DHTKD1: variants seen among roughly 807,000 people sequenced by gnomAD.
DHTKD1 encodes the protein dehydrogenase E1 and transketolase domain containing 1.
DHTKD1 carries 78 observed loss-of-function variants against 101.8 expected under a neutral mutation model. The ratio of observed to expected loss-of-function variants is 0.77; its 90% CI spans 0.64 to 0.93. The LOEUF (loss-of-function observed/expected upper bound fraction) is 0.93, where lower values mean the gene tolerates loss of function less well. DHTKD1 is among the 40% of genes least tolerant of loss of function. DHTKD1 has a pLI of 0.00. For missense variants in DHTKD1, 1,223 were observed against 1,161.7 expected (o/e 1.05, Z -0.77); for synonymous variants, 462 against 450.3 (o/e 1.03, Z -0.33).
chr10:12,084,391 T>A (rs1242858114), intron 2 of DHTKD1, 149 bp from the exon 3 acceptor site: 2 of 581,774 alleles, frequency 3.4e-6, no homozygotes, highest in African/African-American at 3.7e-5. Context: ...TTACTGCATA[T>A]AACAAAACAA....
chr10:12,091,264 T>C (rs60002466), intron 5 of DHTKD1, among the ~76,000 whole-genome samples: 1 of 150,160 alleles, frequency 6.7e-6, no homozygotes, highest in African/African-American at 2.4e-5. Flanking sequence ...TACAAAAAAT[T>C]AGCCGGGTGT....
chr10:12,070,493 CT>C (rs1564385633), intron 1 of DHTKD1, among the ~76,000 whole-genome samples: 1 of 152,122 alleles, frequency 6.6e-6, no homozygotes, highest in Non-Finnish European at 1.5e-5. Flanking sequence ...GTCTCTCTCT[CT>C]TTTTTTAATC....
intron 6 of DHTKD1, among the ~76,000 whole-genome samples, chr10:12,092,140 C>T (rs1833000342): frequency 1.3e-5 from 2 of 151,988 alleles, no homozygotes; most frequent in South Asian, 2.1e-4. Flanking sequence ...TACACCACCA[C>T]ACCTGTCTAA....
intron 2 of DHTKD1, among the ~76,000 whole-genome samples, chr10:12,084,218 G>A (rs1832866189): frequency 6.6e-6 from 1 of 152,022 alleles, no homozygotes; most frequent in Non-Finnish European, 1.5e-5. Flanking sequence ...CACGGCACCC[G>A]GCCAATAATG....
chr10:12,099,863 C>G (rs1274752265), intron 8 of DHTKD1, among the ~76,000 whole-genome samples: 1 of 139,806 alleles, frequency 7.2e-6, no homozygotes, highest in Non-Finnish European at 1.5e-5. Flanking sequence ...GTGGAGCCAT[C>G]TCAGCTCACT....
rs1288540547 is a variant in DHTKD1 at position 12,069,325 on chromosome 10, A to AGGGGAGCAGAGGGTAGGTGT, written c.154+142_154+161dup. 4 of 714,368 alleles carry AGGGGAGCAGAGGGTAGGTGT rather than the reference A, an allele frequency of 5.6e-6. No homozygotes were observed. In the African/African-American group the frequency reaches 7.4e-5, roughly 13 times the overall value. The allele number at this position is 714,368 out of a possible 1,614,324, so 44.3% of individuals were successfully genotyped here. A position where few individuals can be genotyped will look rare whatever the true frequency, so the allele number is the denominator to read the frequency against. On this transcript the variant is annotated intron_variant, in intron 1 of 16. Transcript: ENST00000263035. ...GGCCGGTGGGGAGGAGGGGGAGGTG[A>AGGGGAGCAGAGGGTAGGTGT]GGGGAGCAGAGGGTAGGTGTGGGTG... is the stretch of plus-strand genomic sequence containing the variant.
Position 12,100,250 on chromosome 10 carries a change from T to G in DHTKD1, c.1744T>G (p.Leu582Val), listed in dbSNP as rs983914326. The change falls in exon 9 of 17, where the codon TTA (leucine) becomes GTA (valine). Residue 582 changes from leucine (L) to valine (V), a missense_variant. Leu to Val is a conservative substitution (Grantham distance 32, BLOSUM62 1). Coordinates refer to ENST00000263035, the MANE Select transcript of DHTKD1 (RefSeq NM_018706.7). ...CGCGGAAGCTCTTGCCTTGGGTTCTTTACTTGCTCAAGGTAAGAATTTTCT... is the reference window on the plus strand; with the variant it reads ...CGCGGAAGCTCTTGCCTTGGGTTCTGTACTTGCTCAAGGTAAGAATTTTCT... ...ATAEALALGS[L>V]LAQGFNVRLS... The G allele has an allele frequency of 2.6e-6, 4 of 1,520,758 alleles. No individual in the cohort carries two copies. Among genetic ancestry groups the G allele is most frequent in the African/African-American group, 1.4e-5 (1 of 70,942 alleles). The allele number at this position is 1,520,758 out of a possible 1,614,324, so 94.2% of individuals were successfully genotyped here. A position where few individuals can be genotyped will look rare whatever the true frequency, so the allele number is the denominator to read the frequency against.
At position 12,091,630 on chromosome 10, in the gene DHTKD1, G is replaced by A. The variant is rs1832991422; in HGVS notation, c.1105G>A (p.Gly369Ser). ...SVHLIVNNQL[G>S]YTTPAERGRS... ...GCATTTGATTGTTAATAACCAGCTGGGTTACACCACTCCAGCTGAAAGAGG... is the reference window on the plus strand; with the variant it reads ...GCATTTGATTGTTAATAACCAGCTGAGTTACACCACTCCAGCTGAAAGAGG... Residue 369 changes from glycine (G) to serine (S), a missense_variant, in exon 6 of 17, where the codon GGT becomes AGT. Coordinates refer to ENST00000263035, the MANE Select transcript of DHTKD1 (RefSeq NM_018706.7). The A allele has an allele frequency of 6.2e-7, 1 of 1,613,524 alleles. No homozygotes were observed. The highest frequency in any genetic ancestry group is 8.5e-7 in the Non-Finnish European group (1 of 1,179,962).
chr10:12,075,357 T>G lies in DHTKD1; in HGVS notation c.155-6115T>G, dbSNP rs117678781. 7.4e-4 allele frequency among the ~76,000 whole-genome samples: 112 copies of G among 151,676 alleles called. 1 individual carries two copies. The East Asian group carries it at 0.018, about 24-fold the overall frequency. On this transcript the variant is annotated intron_variant, in intron 1 of 16. Transcript: ENST00000263035. ...CCATGCCCGGCTAATTTCTGTGGGG[T>G]TTTTTTTGGTTTTGGTTTTGTTTTT...
At chr10:12,076,975 TA>T (rs61096299) in intron 1 of DHTKD1, among the ~76,000 whole-genome samples, 1,235 of 61,804 alleles carry the variant, frequency 0.02, 24 homozygotes, top group African/African-American at 0.044. Context: ...CTGTTTCTGA[TA>T]AAAAAAAAAA....
Position 12,068,985 on chromosome 10 carries a change from A to T in DHTKD1, c.-49A>T, listed in dbSNP as rs775058192. 6.8e-6 allele frequency: 11 copies of T among 1,606,410 alleles called. No individual in the cohort carries two copies. Among genetic ancestry groups the T allele is most frequent in the Non-Finnish European group, 9.3e-6 (11 of 1,176,776 alleles). On this transcript the variant is annotated 5_prime_UTR_variant, in exon 1 of 17. Transcript: ENST00000263035. ...TCCCGGATTTACCAGGGCCGGTGGGATCCCCTCGGGCTCCCGCCTTAGCAT... is the reference window on the plus strand; with the variant it reads ...TCCCGGATTTACCAGGGCCGGTGGGTTCCCCTCGGGCTCCCGCCTTAGCAT...
intron 11 of DHTKD1, among the ~76,000 whole-genome samples, chr10:12,106,923 C>T (rs761963559): frequency 4.6e-5 from 7 of 152,062 alleles, no homozygotes; most frequent in Non-Finnish European, 7.3e-5. Flanking sequence ...CCACCACCCC[C>T]TGTTTCAAGA....
rs111729052 is a variant in DHTKD1, at chr10:12,118,532, G to A, written c.2403-217G>A. Among the ~76,000 whole-genome samples the A allele has an allele frequency of 0.12, 17,960 of 151,756 alleles. 1,063 individuals carry two copies. Among genetic ancestry groups the A allele is most frequent in the African/African-American group, 0.16 (6,731 of 41,320 alleles). On this transcript the variant is annotated intron_variant, in intron 14 of 16. Transcript: ENST00000263035. Reference sequence around the variant, plus strand: ...CGAGTAGCTGGGACTACAGGTGCCCGCCAGTACGCCCGGCTAATTTTTTGT... The same window carrying A: ...CGAGTAGCTGGGACTACAGGTGCCCACCAGTACGCCCGGCTAATTTTTTGT...
In DHTKD1 at chr10:12,069,204, GGGC is replaced by G; in HGVS notation, c.154+20_154+22del. The G allele has an allele frequency of 6.5e-7, 1 of 1,533,736 alleles. No individual in the cohort carries two copies. The highest frequency in any genetic ancestry group is 1.4e-5 in the African/African-American group (1 of 71,660). ...GCCCCCCAGGTCGGGGATGGGGCCCGGGCGGTGGGAGCGGGGGCTGGGACGCAG... is the reference window on the plus strand; with the variant it reads ...GCCCCCCAGGTCGGGGATGGGGCCCGGGTGGGAGCGGGGGCTGGGACGCAG... On this transcript the variant is annotated intron_variant, in intron 1 of 16. Transcript: ENST00000263035.
chr10:12,069,283 TGCCGGCC>T, intron 1 of DHTKD1, 96 bp downstream of exon 1: 1 of 467,100 alleles, frequency 2.1e-6, no homozygotes. Flanking sequence ...GGGAACCGGC[TGCCGGCC>T]TGAACGCGCG....
chr10:12,111,611 T>G (rs887621663), intron 12 of DHTKD1, among the ~76,000 whole-genome samples: 1 of 152,150 alleles, frequency 6.6e-6, no homozygotes, highest in African/African-American at 2.4e-5. Context: ...CTCTAGTACA[T>G]GATGGATTAA....
intron 2 of DHTKD1, among the ~76,000 whole-genome samples, chr10:12,082,728 C>T (rs188211956): frequency 3.3e-5 from 5 of 151,674 alleles, no homozygotes; most frequent in African/African-American, 9.7e-5. Flanking sequence ...AAACATAAAG[C>T]GACATGATTA....
At chr10:12,089,732 G>A (rs903021843) in intron 5 of DHTKD1, among the ~76,000 whole-genome samples, 1 of 151,818 alleles carries the variant, frequency 6.6e-6, no homozygotes, top group Non-Finnish European at 1.5e-5. Context: ...GTGCAGTGGC[G>A]AAATCTCAGC....
chr10:12,098,858 C>G (rs1400941470), intron 8 of DHTKD1, among the ~76,000 whole-genome samples: 2 of 152,276 alleles, frequency 1.3e-5, no homozygotes, highest in South Asian at 4.1e-4. Context: ...AGCCACCATG[C>G]CTAACATGAA....
Sources: gnomAD v4.1 joint callset for allele counts (sites outside exome capture counted in the v4.1 genomes callset) on GRCh38, gnomAD v4.1.1 for gene constraint, MANE v1.5 for transcripts, NCBI Gene and HGNC (gene_info 2026-07-23, HGNC 2026-07-21) for gene names.